TRAF3: variants seen among roughly 807,000 people sequenced by gnomAD.
The protein encoded by TRAF3 is TNF receptor associated factor 3, also known as TNF receptor-associated factor 3.
Under a neutral mutation model 62.3 loss-of-function variants are expected in TRAF3, and 13 were observed. The observed-to-expected ratio is 0.21, with a 90% CI of 0.14 to 0.33. TRAF3 has a LOEUF of 0.33. Ranked by LOEUF, TRAF3 falls within the 10% of genes least tolerant of loss-of-function variation. TRAF3 has a pLI of 1.00. For missense variants in TRAF3, 440 were observed against 741.8 expected (o/e 0.59, Z 4.73); for synonymous variants, 269 against 283.4 (o/e 0.95, Z 0.51).
chr14:102,897,189 T>C, intron 9 of TRAF3, 72 bp from the exon 10 acceptor site: 1 of 1,435,272 alleles, frequency 7.0e-7, no homozygotes, highest in Non-Finnish European at 9.6e-7. Flanking sequence ...ATTGTGAAAA[T>C]TTAATTGATA....
intron 10 of TRAF3, among the ~76,000 whole-genome samples, chr14:102,897,918 T>C (rs913398634): frequency 6.6e-6 from 1 of 152,206 alleles, no homozygotes; most frequent in Admixed American, 6.5e-5. Flanking sequence ...GGCGATGATG[T>C]AAAGGGGACT....
chr14:102,827,217 G>T (rs912065505), intron 1 of TRAF3, among the ~76,000 whole-genome samples: 5 of 152,200 alleles, frequency 3.3e-5, no homozygotes, highest in Non-Finnish European at 7.3e-5. Context: ...TCTTCCTCCT[G>T]TGCGGTGCCA....
intron 1 of TRAF3, among the ~76,000 whole-genome samples, chr14:102,822,170 A>C (rs1010597541): frequency 1.3e-5 from 2 of 152,342 alleles, no homozygotes; most frequent in South Asian, 4.1e-4. Flanking sequence ...TATTCTGGGA[A>C]AATGTTAAAT....
At chr14:102,852,370 T>G (rs1403688972) in intron 2 of TRAF3, among the ~76,000 whole-genome samples, 1 of 152,174 alleles carries the variant, frequency 6.6e-6, no homozygotes, top group Non-Finnish European at 1.5e-5. Flanking sequence ...CTTTTGGAGC[T>G]GTACTTGTAG....
chr14:102,887,886 C>T (rs868414155), intron 7 of TRAF3, among the ~76,000 whole-genome samples: 3 of 152,104 alleles, frequency 2.0e-5, no homozygotes, highest in African/African-American at 7.2e-5. Flanking sequence ...TGAGCCACCG[C>T]GCCCGGCCAA....
At chr14:102,846,973 G>T (rs951960658) in intron 2 of TRAF3, among the ~76,000 whole-genome samples, 1 of 152,092 alleles carries the variant, frequency 6.6e-6, no homozygotes, top group Non-Finnish European at 1.5e-5. Flanking sequence ...ATAACTTCAT[G>T]AAACGGTATA....
intron 1 of TRAF3, among the ~76,000 whole-genome samples, chr14:102,814,569 G>A (rs1899401597): frequency 6.6e-6 from 1 of 152,076 alleles, no homozygotes; most frequent in South Asian, 2.1e-4. Context: ...ATCTAGGCTG[G>A]AGTGCAGTGG....
At chr14:102,886,576 T>A (rs797012136) in intron 7 of TRAF3, among the ~76,000 whole-genome samples, 19 of 152,152 alleles carry the variant, frequency 1.2e-4, no homozygotes, top group African/African-American at 4.6e-4. Flanking sequence ...GCCAATGTGC[T>A]GAAACCCCGT....
chr14:102,893,449 C>T (rs1193181427), intron 9 of TRAF3, among the ~76,000 whole-genome samples: 5 of 150,400 alleles, frequency 3.3e-5, no homozygotes, highest in African/African-American at 1.2e-4. Flanking sequence ...AGTAGTTGAA[C>T]AGGTCTGCAG....
chr14:102,900,683 G>T (rs1401386140), intron 10 of TRAF3, among the ~76,000 whole-genome samples: 1 of 152,220 alleles, frequency 6.6e-6, no homozygotes, highest in Non-Finnish European at 1.5e-5. Context: ...GCACCACCGG[G>T]CTTCTCACAG....
chr14:102,811,707 G>A (rs1032354234), intron 1 of TRAF3, among the ~76,000 whole-genome samples: 1 of 149,094 alleles, frequency 6.7e-6, no homozygotes, highest in African/African-American at 2.5e-5. Flanking sequence ...GACATTGTGA[G>A]GAGGATACTG....
chr14:102,805,730 C>G (rs1273446130), intron 1 of TRAF3, among the ~76,000 whole-genome samples: 1 of 152,202 alleles, frequency 6.6e-6, no homozygotes, highest in East Asian at 1.9e-4. Flanking sequence ...ATTCCCTCAG[C>G]TAGAGCGTGA....
chr14:102,795,111 T>A (rs1898000302), intron 1 of TRAF3, among the ~76,000 whole-genome samples: 1 of 152,194 alleles, frequency 6.6e-6, no homozygotes, highest in Non-Finnish European at 1.5e-5. Context: ...CTAGAGACAG[T>A]TCTGGCTGTT....
intron 2 of TRAF3, among the ~76,000 whole-genome samples, chr14:102,842,367 G>T (rs1472241591): frequency 6.6e-6 from 1 of 150,538 alleles, no homozygotes; most frequent in Admixed American, 6.6e-5. Context: ...GCAGTAGAGG[G>T]ATCACAACAG....
intron 1 of TRAF3, among the ~76,000 whole-genome samples, chr14:102,780,309 G>A (rs1279210543): frequency 6.6e-6 from 1 of 151,774 alleles, no homozygotes; most frequent in East Asian, 1.9e-4. Context: ...AGAAGAAAAT[G>A]CAGTTTTAAA....
At chr14:102,899,724 C>T (rs1304031731) in intron 10 of TRAF3, among the ~76,000 whole-genome samples, 4 of 152,044 alleles carry the variant, frequency 2.6e-5, no homozygotes, top group South Asian at 2.1e-4. Context: ...CTGGTGATGG[C>T]GGGAGTCGAA....
intron 1 of TRAF3, among the ~76,000 whole-genome samples, chr14:102,801,846 G>A (rs373693684): frequency 6.6e-6 from 1 of 151,200 alleles, no homozygotes; most frequent in African/African-American, 2.4e-5. Context: ...GTGAAACCCC[G>A]TCTACTAAAA....
Position 102,905,863 on chromosome 14 carries a change from C to A in TRAF3, c.*79C>A. ...ACCGGTCTGTCTTCACTGAGGTCCT[C>A]GCGCTCAGAAAAGGACCTTGTGAGA... On this transcript the variant is annotated 3_prime_UTR_variant, in exon 12 of 12. Transcript: ENST00000392745. 1 of 1,341,854 alleles carries A rather than the reference C, an allele frequency of 7.5e-7. No homozygotes were observed. The highest frequency in any genetic ancestry group is 1.3e-5 in the South Asian group (1 of 75,652). 83.1% of individuals were successfully genotyped at this position (1,341,854 alleles called of 1,614,324 possible). A position where few individuals can be genotyped will look rare whatever the true frequency, so the allele number is the denominator to read the frequency against.
At chr14:102,809,679 C>T (rs1283378155) in intron 1 of TRAF3, among the ~76,000 whole-genome samples, 6 of 151,470 alleles carry the variant, frequency 4.0e-5, no homozygotes, top group African/African-American at 4.9e-5. Flanking sequence ...CACAGGCGCT[C>T]GCCACCACAC....
Sources: allele counts gnomAD v4.1 joint callset (sites outside exome capture counted in the v4.1 genomes callset), GRCh38; gene constraint gnomAD v4.1.1; transcripts MANE v1.5; gene names NCBI Gene and HGNC (gene_info 2026-07-23, HGNC 2026-07-21).